The following RNF130 variants were observed in gnomAD, a reference collection of about 807,000 sequenced individuals.
The protein encoded by RNF130 is E3 ubiquitin-protein ligase RNF130.
In RNF130, 21 loss-of-function variants were observed where a neutral mutation model predicts 44.6. The observed-to-expected ratio is 0.47, with a 90% confidence interval of 0.33 to 0.68. The LOEUF (loss-of-function observed/expected upper bound fraction) is 0.68. Ranked by LOEUF, RNF130 falls within the 30% of genes least tolerant of loss-of-function variation. The pLI, the probability that RNF130 is intolerant of heterozygous loss-of-function variation, is 0.02. For synonymous variants in RNF130, 214 were observed against 210.4 expected, an observed-to-expected ratio of 1.02 and a Z score of -0.15; for missense variants, 479 against 560.6, an observed-to-expected ratio of 0.85 and a Z score of 1.47.
At chr5:179,945,501 T>G (rs796376765) in intron 7 of RNF130, among the ~76,000 whole-genome samples, 1 of 152,286 alleles carries the variant, frequency 6.6e-6, no homozygotes, top group African/African-American at 2.4e-5. Context: ...ACACACACCA[T>G]GTTTCCAATC....
chr5:179,947,166 G>A (rs1252396240), intron 7 of RNF130, among the ~76,000 whole-genome samples: 1 of 152,188 alleles, frequency 6.6e-6, no homozygotes, highest in Non-Finnish European at 1.5e-5. Flanking sequence ...CTGGTTTGGT[G>A]AGGCAGTTTC....
At chr5:179,945,776 C>A (rs1026543327) in intron 7 of RNF130, among the ~76,000 whole-genome samples, 4 of 152,240 alleles carry the variant, frequency 2.6e-5, no homozygotes, top group East Asian at 1.9e-4. Flanking sequence ...AAATACTACG[C>A]GCCGCTGCAG....
intron 1 of RNF130, among the ~76,000 whole-genome samples, chr5:180,051,942 A>T (rs942086441): frequency 1.3e-5 from 2 of 152,182 alleles, no homozygotes; most frequent in Non-Finnish European, 2.9e-5. Flanking sequence ...TCCTCATACA[A>T]AGTTGGTGTC....
intron 1 of RNF130, among the ~76,000 whole-genome samples, chr5:180,048,014 T>TA (rs61675210): frequency 3.3e-5 from 5 of 151,958 alleles, no homozygotes; most frequent in Admixed American, 2.6e-4. Flanking sequence ...TTTTTTTTTT[T>TA]ATTGGAACAA....
At chr5:180,007,323 C>T (rs1450553413) in intron 3 of RNF130, among the ~76,000 whole-genome samples, 1 of 152,138 alleles carries the variant, frequency 6.6e-6, no homozygotes, top group Admixed American at 6.5e-5. Flanking sequence ...ATTGCTTAAG[C>T]CGAGGAGGCA....
intron 2 of RNF130, among the ~76,000 whole-genome samples, chr5:180,034,045 C>A (rs1764193474): frequency 6.6e-6 from 1 of 151,388 alleles, no homozygotes; most frequent in Admixed American, 6.6e-5. Context: ...GTGGCTTTTC[C>A]ACAGATGCCC....
chr5:179,969,006 G>A (rs1561673604), intron 6 of RNF130, among the ~76,000 whole-genome samples: 1 of 152,230 alleles, frequency 6.6e-6, no homozygotes, highest in Non-Finnish European at 1.5e-5. Flanking sequence ...TGTATACACT[G>A]AAACTGTGTT....
rs78137208 is a variant in RNF130, at chr5:179,963,181, G to T, written c.1244+290C>A. Reference sequence around the variant, plus strand: ...GCCTTTTACACTCTAAGACTATACTGCTCCTTTGCCACTTGCATTACACTG... The same window carrying T: ...GCCTTTTACACTCTAAGACTATACTTCTCCTTTGCCACTTGCATTACACTG... On this transcript the variant is annotated intron_variant, in intron 8 of 8. Coordinates refer to ENST00000521389, the MANE Select transcript of RNF130 (RefSeq NM_018434.6). Among the ~76,000 whole-genome samples, 465 of 152,346 alleles carry T rather than the reference G, an allele frequency of 3.1e-3. 2 individuals carry two copies. Among genetic ancestry groups the T allele is most frequent in the African/African-American group, 0.011 (449 of 41,586 alleles).
chr5:180,055,976 C>T (rs1381338574), intron 1 of RNF130, among the ~76,000 whole-genome samples: 5 of 151,750 alleles, frequency 3.3e-5, no homozygotes, highest in Admixed American at 6.6e-5. Flanking sequence ...CCCAGCTACT[C>T]GGGAGGCTGA....
intron 2 of RNF130, among the ~76,000 whole-genome samples, chr5:180,034,203 TAA>T (rs564028581): frequency 6.9e-6 from 1 of 145,734 alleles, no homozygotes; most frequent in Non-Finnish European, 1.5e-5. Context: ...TTTTCAGATG[TAA>T]AAAAAAAAAC....
intron 8 of RNF130, among the ~76,000 whole-genome samples, chr5:179,959,980 A>C (rs1762291202): frequency 1.3e-5 from 2 of 152,224 alleles, no homozygotes; most frequent in Admixed American, 6.5e-5. Context: ...AAAGGGCTCT[A>C]GGGGATACCT....
intron 7 of RNF130, among the ~76,000 whole-genome samples, chr5:179,965,741 T>C (rs999757466): frequency 5.3e-5 from 8 of 152,220 alleles, no homozygotes; most frequent in Non-Finnish European, 1.0e-4. Context: ...GTTTTCTCTA[T>C]TGCATAGCTG....
At chr5:179,995,644 C>T (rs1763183333) in intron 3 of RNF130, among the ~76,000 whole-genome samples, 1 of 152,200 alleles carries the variant, frequency 6.6e-6, no homozygotes, top group African/African-American at 2.4e-5. Flanking sequence ...CTCAGCTACT[C>T]CCTAAGTAAG....
intron 1 of RNF130, among the ~76,000 whole-genome samples, chr5:180,052,026 A>C (rs1404707638): frequency 6.6e-6 from 1 of 152,190 alleles, no homozygotes; most frequent in East Asian, 1.9e-4. Flanking sequence ...TACTGAGTAC[A>C]ACTCTTCCCG....
intron 1 of RNF130, among the ~76,000 whole-genome samples, chr5:180,055,353 T>C (rs1030045240): frequency 6.7e-6 from 1 of 149,150 alleles, no homozygotes; most frequent in African/African-American, 2.5e-5. Context: ...TGAGCCACCA[T>C]GCCCAGCTAG....
intron 1 of RNF130, among the ~76,000 whole-genome samples, chr5:180,042,604 C>A (rs899004462): frequency 3.9e-5 from 6 of 152,174 alleles, no homozygotes; most frequent in Admixed American, 3.3e-4. Context: ...TGACCTGTTA[C>A]GATAATCTCC....
chr5:179,965,460 A>C (rs1449675630), intron 7 of RNF130, among the ~76,000 whole-genome samples: 4 of 152,196 alleles, frequency 2.6e-5, no homozygotes, highest in Non-Finnish European at 5.9e-5. Context: ...TTTTTCATCA[A>C]AGTATAAGAT....
intron 2 of RNF130, among the ~76,000 whole-genome samples, chr5:180,036,754 C>T (rs911665008): frequency 6.7e-6 from 1 of 148,748 alleles, no homozygotes; most frequent in African/African-American, 2.4e-5. Flanking sequence ...ATAAATATTT[C>T]ACAAAGTTTT....
chr5:180,024,523 AAAC>A (rs1421926779), intron 2 of RNF130, among the ~76,000 whole-genome samples: 11 of 152,324 alleles, frequency 7.2e-5, no homozygotes, highest in Non-Finnish European at 1.0e-4. Flanking sequence ...AGAAAACAAC[AAAC>A]AACACCTTTG....
Sources: allele counts gnomAD v4.1 joint callset (sites outside exome capture counted in the v4.1 genomes callset), GRCh38; gene constraint gnomAD v4.1.1; transcripts MANE v1.5; gene names NCBI Gene and HGNC (gene_info 2026-07-23, HGNC 2026-07-21).